The following KDM5B variants were observed in gnomAD, a reference collection of about 807,000 sequenced individuals.
KDM5B encodes lysine-specific demethylase 5B.
A neutral mutation model predicts 193.4 loss-of-function variants in KDM5B; 144 were observed. The ratio of observed to expected loss-of-function variants is 0.74; its 90% CI spans 0.65 to 0.86. The LOEUF (loss-of-function observed/expected upper bound fraction) is 0.86. KDM5B is among the 40% of genes least tolerant of loss of function. The probability of loss-of-function intolerance (pLI) is 0.00; values close to 1 mark genes in which losing one functional copy is unlikely to be tolerated. For missense variants in KDM5B, 1,833 were observed against 1,886.9 expected, an observed-to-expected ratio of 0.97 and a Z score of 0.53; for synonymous variants, 668 against 682.6, an observed-to-expected ratio of 0.98 and a Z score of 0.33.
intron 19 of KDM5B, 115 bp downstream of exon 19, chr1:202,741,252 C>T: frequency 1.6e-6 from 1 of 613,420 alleles, no homozygotes; most frequent in Non-Finnish European, 2.6e-6. Flanking sequence ...ATGTCTTCCA[C>T]ATGCATAATA....
At chr1:202,749,810 C>T (rs911885043) in intron 13 of KDM5B, among the ~76,000 whole-genome samples, 2 of 152,066 alleles carry the variant, frequency 1.3e-5, no homozygotes, top group Non-Finnish European at 1.5e-5. Context: ...GGGAATAATA[C>T]TCTGAAAAAC....
chr1:202,767,231 A>T, intron 4 of KDM5B, 171 bp from the exon 5 acceptor site: 1 of 1,579,182 alleles, frequency 6.3e-7, no homozygotes, highest in Non-Finnish European at 8.7e-7. Flanking sequence ...AAACACCCTT[A>T]TGTTTTAAGC....
chr1:202,763,508 A>G (rs1163914899), intron 6 of KDM5B, among the ~76,000 whole-genome samples: 1 of 152,200 alleles, frequency 6.6e-6, no homozygotes, highest in Non-Finnish European at 1.5e-5. Flanking sequence ...CTAGTTCACT[A>G]ATCCCTAGGT....
In KDM5B at chr1:202,741,808, C is replaced by A. The variant is rs184611954; in HGVS notation, c.2590-86G>T. 39 of 720,858 alleles carry A rather than the reference C, an allele frequency of 5.4e-5. No homozygotes were observed. The Admixed American group carries it at 6.0e-4, about 11-fold the overall frequency. The allele number at this position is 720,858 out of a possible 1,614,324, so 44.7% of individuals were successfully genotyped here. A position where few individuals can be genotyped will look rare whatever the true frequency, so the allele number is the denominator to read the frequency against. On this transcript the variant is annotated intron_variant, in intron 18 of 26. Coordinates refer to ENST00000367265, the MANE Select transcript of KDM5B (RefSeq NM_006618.5). ...AAACTTAGAATCTTAAATTCATATT[C>A]AATGAGATCCCATTTAATTTTAGTA...
At chr1:202,757,103 G>A (rs948453907) in intron 9 of KDM5B, among the ~76,000 whole-genome samples, 1 of 152,008 alleles carries the variant, frequency 6.6e-6, no homozygotes, top group South Asian at 2.1e-4. Flanking sequence ...AGGTGGGGGG[G>A]GGATTAGATT....
At chr1:202,785,563 T>C (rs148310466) in intron 1 of KDM5B, among the ~76,000 whole-genome samples, 2,447 of 150,462 alleles carry the variant, frequency 0.016, 64 homozygotes, top group African/African-American at 0.056. Flanking sequence ...TTAAGTAAAA[T>C]AATACAGGTA....
intron 14 of KDM5B, among the ~76,000 whole-genome samples, chr1:202,747,677 A>C (rs1655616213): frequency 6.6e-6 from 1 of 152,148 alleles, no homozygotes; most frequent in Non-Finnish European, 1.5e-5. Context: ...CTCAGGAGAC[A>C]AGGTCAATAT....
chr1:202,782,762 A>G (rs1657250266), intron 1 of KDM5B, among the ~76,000 whole-genome samples: 1 of 152,200 alleles, frequency 6.6e-6, no homozygotes, highest in Non-Finnish European at 1.5e-5. Context: ...ACTTTTTCTA[A>G]CATAAAACAG....
intron 7 of KDM5B, among the ~76,000 whole-genome samples, chr1:202,761,746 T>C (rs1260503678): frequency 1.3e-5 from 2 of 152,164 alleles, no homozygotes; most frequent in Admixed American, 6.5e-5. Flanking sequence ...TGCCAACACC[T>C]TGATCTCAAA....
chr1:202,769,331 C>T (rs896860623), intron 4 of KDM5B, among the ~76,000 whole-genome samples: 13 of 151,262 alleles, frequency 8.6e-5, no homozygotes, highest in Admixed American at 6.6e-4. Context: ...CCACTGCGCC[C>T]GGCCGCCTGG....
intron 1 of KDM5B, among the ~76,000 whole-genome samples, chr1:202,802,707 C>A (rs1658125754): frequency 6.6e-6 from 1 of 151,928 alleles, no homozygotes; most frequent in African/African-American, 2.4e-5. Context: ...TATTTTTTTA[C>A]CCAAGAGAAA....
In KDM5B at chr1:202,724,888, T is replaced by C. The variant is rs1654623673; in HGVS notation, c.*4148A>G. The stretch of plus-strand genomic sequence containing the variant: ...GCCAGGAGCTAAAAGTTTTGGTGTT[T>C]AGAGGGGTGCCTTTGGACATTTATT... On this transcript the variant is annotated 3_prime_UTR_variant, in exon 27 of 27. Coordinates refer to ENST00000367265, the MANE Select transcript of KDM5B (RefSeq NM_006618.5). 6.6e-6 allele frequency: 1 copy of C among 152,236 alleles called. No individual in the cohort carries two copies. The highest frequency in any genetic ancestry group is 2.4e-5 in the African/African-American group (1 of 41,474). 9.4% of individuals were successfully genotyped at this position (152,236 alleles called of 1,614,324 possible).
chr1:202,796,400 C>A, intron 1 of KDM5B: 1 of 243,870 alleles, frequency 4.1e-6, no homozygotes. Context: ...GGCCTCCCAG[C>A]CACCCTGGTG....
chr1:202,761,056 A>G (rs2102273253), intron 7 of KDM5B, among the ~76,000 whole-genome samples: 1 of 152,240 alleles, frequency 6.6e-6, no homozygotes, highest in Admixed American at 6.5e-5. Context: ...CAGGTAATAC[A>G]TTACCAACCT....
In KDM5B at chr1:202,788,316, A is replaced by G. The variant is rs769758198; in HGVS notation, c.205-11222T>C. On this transcript the variant is annotated intron_variant, in intron 1 of 26. Transcript: ENST00000367265. ...GTACCAAGGAATGAGAACTTGTATT[A>G]TAACTTTTACAGATAGGCCATGGTG... 2.0e-5 allele frequency among the ~76,000 whole-genome samples: 3 copies of G among 152,242 alleles called. No individual in the cohort carries two copies. In the East Asian group the frequency reaches 5.8e-4, roughly 29 times the overall value.
At chr1:202,786,074 G>A (rs532960538) in intron 1 of KDM5B, among the ~76,000 whole-genome samples, 6 of 151,142 alleles carry the variant, frequency 4.0e-5, no homozygotes, top group Admixed American at 6.7e-5. Context: ...AACTTGGCTC[G>A]TTATAGCCTC....
intron 8 of KDM5B, among the ~76,000 whole-genome samples, chr1:202,760,142 C>T (rs1211838357): frequency 6.6e-6 from 1 of 151,842 alleles, no homozygotes; most frequent in Non-Finnish European, 1.5e-5. Flanking sequence ...GGTGAAACCC[C>T]CTCTGTACAA....
chr1:202,760,807 T>C (rs1656216821), intron 7 of KDM5B, among the ~76,000 whole-genome samples: 1 of 152,224 alleles, frequency 6.6e-6, no homozygotes, highest in Non-Finnish European at 1.5e-5. Flanking sequence ...TTCTCAACTG[T>C]CATGTGTTTA....
Position 202,762,551 on chromosome 1 carries a change from C to T in KDM5B, c.918+148G>A. The T allele has an allele frequency of 7.8e-6, 5 of 637,530 alleles. No homozygotes were observed. The South Asian group carries it at 9.4e-5, about 12-fold the overall frequency. The allele number at this position is 637,530 out of a possible 1,614,324, so 39.5% of individuals were successfully genotyped here. On this transcript the variant is annotated intron_variant, in intron 7 of 26. Coordinates refer to ENST00000367265, the MANE Select transcript of KDM5B (RefSeq NM_006618.5). ...ATTAACTAACACTATAAACTGACTTCAGAAGATATTTTTATTGTCAGACAC... is the reference window on the plus strand; with the variant it reads ...ATTAACTAACACTATAAACTGACTTTAGAAGATATTTTTATTGTCAGACAC...
Sources: allele counts gnomAD v4.1 joint callset (sites outside exome capture counted in the v4.1 genomes callset), GRCh38; gene constraint gnomAD v4.1.1; transcripts MANE v1.5; gene names NCBI Gene and HGNC (gene_info 2026-07-23, HGNC 2026-07-21).